REEP2: variants seen among roughly 807,000 people sequenced by gnomAD.
REEP2 encodes receptor accessory protein 2.
Under a neutral mutation model 32.1 loss-of-function variants are expected in REEP2, and 9 were observed. The observed-to-expected ratio is 0.28, with a 90% CI of 0.17 to 0.49. The LOEUF (loss-of-function observed/expected upper bound fraction) is 0.49, where lower values mean the gene tolerates loss of function less well. Among genes scored for constraint, REEP2 ranks in the 20% least tolerant of loss-of-function variants. The probability of loss-of-function intolerance (pLI) is 0.99; values close to 1 mark genes in which losing one functional copy is unlikely to be tolerated. For synonymous variants in REEP2, 128 were observed against 139.1 expected, an observed-to-expected ratio of 0.92 and a Z score of 0.56; for missense variants, 236 against 338.0, an observed-to-expected ratio of 0.70 and a Z score of 2.37.
intron 5 of REEP2, 152 bp from the exon 6 acceptor site, chr5:138,445,076 C>T: frequency 1.0e-6 from 1 of 954,026 alleles, no homozygotes; most frequent in Non-Finnish European, 1.6e-6. Flanking sequence ...AAAGTGTGGC[C>T]CTGCCCCAGC....
chr5:138,442,167 C>G (rs1377195018), intron 3 of REEP2, among the ~76,000 whole-genome samples: 1 of 152,142 alleles, frequency 6.6e-6, no homozygotes, highest in African/African-American at 2.4e-5. Flanking sequence ...TACTAGACTA[C>G]GTATGTATGA....
intron 4 of REEP2, 52 bp downstream of exon 4, chr5:138,444,587 C>A: frequency 6.2e-7 from 1 of 1,605,950 alleles, no homozygotes; most frequent in South Asian, 1.1e-5. Flanking sequence ...CCAAGGCAGT[C>A]CAGAGCCTGC....
intron 1 of REEP2, among the ~76,000 whole-genome samples, chr5:138,440,102 G>A (rs988091942): frequency 6.6e-6 from 1 of 152,228 alleles, no homozygotes; most frequent in African/African-American, 2.4e-5. Flanking sequence ...AAGGGGCTGA[G>A]CCTGACAGGG....
At chr5:138,444,650 G>T in intron 4 of REEP2, 104 bp from the exon 5 acceptor site, 2 of 1,560,578 alleles carry the variant, frequency 1.3e-6, no homozygotes, top group South Asian at 2.3e-5. Flanking sequence ...AAGTGACTTG[G>T]CAGGGCTGCC....
chr5:138,440,834 A>G, intron 1 of REEP2, 182 bp from the exon 2 acceptor site: 1 of 1,211,532 alleles, frequency 8.3e-7, no homozygotes, highest in South Asian at 1.5e-5. Context: ...GGGAGGGGGC[A>G]TCACCCTACC....
chr5:138,445,457 C>T lies in REEP2; in HGVS notation c.566-11C>T, dbSNP rs776983086. On this transcript the variant is annotated splice_polypyrimidine_tract_variant and intron_variant, in intron 6 of 7. Coordinates refer to ENST00000378339, the MANE Select transcript of REEP2 (RefSeq NM_001271803.2). ...AAAGATTCCCCCACCTCCTTTTCTCCCTGCACCCAGGAGATGACCCTGCCC... is the reference window on the plus strand; with the variant it reads ...AAAGATTCCCCCACCTCCTTTTCTCTCTGCACCCAGGAGATGACCCTGCCC... 2.5e-6 allele frequency: 4 copies of T among 1,614,078 alleles called. No homozygotes were observed. The Admixed American group carries it at 6.7e-5, about 27-fold the overall frequency.
At position 138,441,212 on chromosome 5, in the gene REEP2, G is replaced by A; in HGVS notation, c.105+124G>A. The A allele has an allele frequency of 1.4e-6, 2 of 1,386,210 alleles. No individual in the cohort carries two copies. The highest frequency in any genetic ancestry group is 2.0e-6 in the Non-Finnish European group (2 of 991,216). The allele number at this position is 1,386,210 out of a possible 1,614,324, so 85.9% of individuals were successfully genotyped here. A position where few individuals can be genotyped will look rare whatever the true frequency, so the allele number is the denominator to read the frequency against. ...TGTCAGCCACTAACAAGACCCACCA[G>A]CAAAGGAGGGCCCTGGGTGTCCCAC... is the stretch of plus-strand genomic sequence containing the variant. On this transcript the variant is annotated intron_variant, in intron 2 of 7. Transcript: ENST00000378339. The surrounding 1 kb of genome is among the most constrained non-coding windows in gnomAD (Gnocchi z 4.4).
At chr5:138,440,523 T>A (rs1763804196) in intron 1 of REEP2, among the ~76,000 whole-genome samples, 1 of 152,188 alleles carries the variant, frequency 6.6e-6, no homozygotes, top group South Asian at 2.1e-4. Flanking sequence ...CCCTGTGCCC[T>A]CTGTTCCCTA....
In REEP2 at chr5:138,441,600, C is replaced by G. The variant is rs962764015; in HGVS notation, c.182+139C>G. On this transcript the variant is annotated intron_variant, in intron 3 of 7. Transcript: ENST00000378339. The surrounding 1 kb of genome is among the most constrained non-coding windows in gnomAD (Gnocchi z 4.4). Reference sequence around the variant, plus strand: ...ATTTCATGGGGTCCTTGATATCTCCCCTCTCATGCCTAACTTGACCTGCAG... The same window carrying G: ...ATTTCATGGGGTCCTTGATATCTCCGCTCTCATGCCTAACTTGACCTGCAG... The G allele has an allele frequency of 1.4e-6, 1 of 709,194 alleles. No homozygotes were observed. The highest frequency in any genetic ancestry group is 2.7e-5 in the East Asian group (1 of 37,322). The allele number at this position is 709,194 out of a possible 1,614,324, so 43.9% of individuals were successfully genotyped here.
At chr5:138,444,353 C>A in intron 3 of REEP2, 62 bp from the exon 4 acceptor site, 1 of 1,581,702 alleles carries the variant, frequency 6.3e-7, no homozygotes, top group South Asian at 1.1e-5. Flanking sequence ...GCCGGTGCTG[C>A]TGGACACAGG....
intron 1 of REEP2, among the ~76,000 whole-genome samples, chr5:138,440,539 C>A (rs1044585244): frequency 6.6e-6 from 1 of 152,172 alleles, no homozygotes; most frequent in Non-Finnish European, 1.5e-5. Context: ...CCCTAGGGCC[C>A]CAGGGCCACA....
Position 138,441,002 on chromosome 5 carries a change from G to A in REEP2, c.33-14G>A, listed in dbSNP as rs1763813439. On this transcript the variant is annotated splice_polypyrimidine_tract_variant and intron_variant, in intron 1 of 7. Transcript: ENST00000378339. This position sits in a 1 kb window ranked among gnomAD's most constrained non-coding sequence, Gnocchi z 4.4. The stretch of plus-strand genomic sequence containing the variant: ...CTTGGCTGAGAGGCCCAGTAACCAT[G>A]CCTGCCTCCCTAGGCTCATCTTTGG... The A allele has an allele frequency of 1.2e-6, 2 of 1,611,544 alleles. No individual in the cohort carries two copies. The highest frequency in any genetic ancestry group is 1.7e-6 in the Non-Finnish European group (2 of 1,179,922).
intron 1 of REEP2, chr5:138,439,950 C>G: frequency 2.8e-6 from 1 of 362,024 alleles, no homozygotes; most frequent in Non-Finnish European, 5.5e-6. Context: ...GGCACCTCCC[C>G]GGGCCCCAGG....
At chr5:138,439,343 A>C in intron 1 of REEP2, 103 bp downstream of exon 1, 2 of 1,218,782 alleles carry the variant, frequency 1.6e-6, no homozygotes, top group Non-Finnish European at 2.2e-6. Flanking sequence ...GAGTCACCTA[A>C]AGGCGCTGCG....
Position 138,446,588 on chromosome 5 carries a change from A to G in REEP2, c.*837A>G, listed in dbSNP as rs1763939151. On this transcript the variant is annotated 3_prime_UTR_variant, in exon 8 of 8. Transcript: ENST00000378339. ...TCTGGGGGGCCTCTCACCTGCTCCT[A>G]TGACCTTGCTCCCTTTTAGGTCACC... The G allele has an allele frequency of 6.5e-6, 1 of 153,160 alleles. No homozygotes were observed. Among genetic ancestry groups the G allele is most frequent in the Admixed American group, 6.5e-5 (1 of 15,288 alleles). 9.5% of individuals were successfully genotyped at this position (153,160 alleles called of 1,614,324 possible). A position where few individuals can be genotyped will look rare whatever the true frequency, so the allele number is the denominator to read the frequency against.
At chr5:138,445,153 G>A (rs917176093) in intron 5 of REEP2, 75 bp from the exon 6 acceptor site, 3 of 1,481,428 alleles carry the variant, frequency 2.0e-6, no homozygotes, top group Non-Finnish European at 2.7e-6. Flanking sequence ...TGGGGCTGCT[G>A]CCAGCACCAT....
At chr5:138,443,259 G>A (rs113266125) in intron 3 of REEP2, among the ~76,000 whole-genome samples, 21 of 151,918 alleles carry the variant, frequency 1.4e-4, no homozygotes, top group Non-Finnish European at 2.9e-4. Context: ...TCAGGAGTTC[G>A]AGACCAGCCT....
chr5:138,441,561 TC>T lies in REEP2; in HGVS notation c.182+103del. 9.8e-7 allele frequency: 1 copy of T among 1,015,710 alleles called. No individual in the cohort carries two copies. Among genetic ancestry groups the T allele is most frequent in the Non-Finnish European group, 1.5e-6 (1 of 651,368 alleles). The allele number at this position is 1,015,710 out of a possible 1,614,324, so 62.9% of individuals were successfully genotyped here. ...AGACTGGGCCTGGGGGTGAAGCTCC[TC>T]CCATTCCTGACAATTTCATGGGGTC... On this transcript the variant is annotated intron_variant, in intron 3 of 7. Coordinates refer to ENST00000378339, the MANE Select transcript of REEP2 (RefSeq NM_001271803.2). The surrounding 1 kb of genome is among the most constrained non-coding windows in gnomAD (Gnocchi z 4.4).
chr5:138,440,956 T>C, intron 1 of REEP2, 60 bp from the exon 2 acceptor site: 2 of 1,605,454 alleles, frequency 1.2e-6, no homozygotes, highest in Non-Finnish European at 8.5e-7. Context: ...GATGCGGAGC[T>C]GGGAGGGAGA....
Sources: allele counts gnomAD v4.1 joint callset (sites outside exome capture counted in the v4.1 genomes callset), GRCh38; gene constraint gnomAD v4.1.1; non-coding constraint Gnocchi (gnomAD v3.1); transcripts MANE v1.5; gene names NCBI Gene and HGNC (gene_info 2026-07-23, HGNC 2026-07-21).